The following SRP19 variants were observed in gnomAD, a reference collection of about 807,000 sequenced individuals.
The protein encoded by SRP19 is signal recognition particle 19 kDa protein.
Under a neutral mutation model 22.4 loss-of-function variants are expected in SRP19, and 11 were observed. The observed-to-expected ratio is 0.49, with a 90% confidence interval of 0.31 to 0.81. The LOEUF (loss-of-function observed/expected upper bound fraction) is 0.81, where lower values mean the gene tolerates loss of function less well. Ranked by LOEUF, SRP19 falls within the 40% of genes least tolerant of loss-of-function variation. The pLI is 0.05. For synonymous variants in SRP19, 61 were observed against 57.6 expected (o/e 1.06, Z -0.27); for missense variants, 168 against 175.9 (o/e 0.96, Z 0.25).
intron 4 of SRP19, among the ~76,000 whole-genome samples, chr5:112,880,607 T>C (rs1333768937): frequency 2.0e-5 from 3 of 152,226 alleles, no homozygotes; most frequent in Admixed American, 2.0e-4. Flanking sequence ...TCCAAAAGCT[T>C]TGAGAAAAGT....
At chr5:112,864,270 ACAGTTACG>A (rs1025210242) in intron 2 of SRP19, among the ~76,000 whole-genome samples, 179 bp from the exon 3 acceptor site, 38 of 152,346 alleles carry the variant, frequency 2.5e-4, no homozygotes, top group Admixed American at 5.9e-4. Context: ...AGATGGGCAC[ACAGTTACG>A]CATTAGTGTT....
At position 112,868,382 on chromosome 5, in the gene SRP19, T is replaced by G; in HGVS notation, c.*845T>G. ...AAGCTATCTCATATTTTCAGTAAAT[T>G]CCATTTTTTTTAAGTTTGTTTGTTT... On this transcript the variant is annotated 3_prime_UTR_variant, in exon 5 of 5. Coordinates refer to ENST00000505459, the MANE Select transcript of SRP19 (RefSeq NM_003135.3). The G allele has an allele frequency of 1.0e-6, 1 of 1,001,750 alleles. No homozygotes were observed. Among genetic ancestry groups the G allele is most frequent in the Non-Finnish European group, 1.2e-6 (1 of 842,844 alleles). 62.1% of individuals were successfully genotyped at this position (1,001,750 alleles called of 1,614,324 possible).
At chr5:112,876,039 A>AT (rs1370291296) in intron 4 of SRP19, among the ~76,000 whole-genome samples, 1 of 151,990 alleles carries the variant, frequency 6.6e-6, no homozygotes, top group Non-Finnish European at 1.5e-5. Context: ...ATCTCAAAAA[A>AT]AAAAAAAGTT....
Position 112,887,339 on chromosome 5 carries a change from C to G in SRP19, c.302-4264C>G, listed in dbSNP as rs565007577. ...TTTCTGCAGGTTAAAGGTGGGCTTTCTTTAGATGGAAAAAACATGATGAGT... is the reference window on the plus strand; with the variant it reads ...TTTCTGCAGGTTAAAGGTGGGCTTTGTTTAGATGGAAAAAACATGATGAGT... On this transcript the variant is annotated intron_variant, in intron 4 of 4. Coordinates refer to the SRP19 transcript ENST00000391338. Among the ~76,000 whole-genome samples, 3 of 152,186 alleles carry G rather than the reference C, an allele frequency of 2.0e-5. No homozygotes were observed. In the South Asian group the frequency reaches 6.2e-4, roughly 32 times the overall value.
At chr5:112,864,239 G>A (rs566367518) in intron 2 of SRP19, among the ~76,000 whole-genome samples, 4 of 152,262 alleles carry the variant, frequency 2.6e-5, no homozygotes, top group East Asian at 3.9e-4. Flanking sequence ...GCCCTCAGAA[G>A]TTTATGTTCT....
chr5:112,868,314 C>T lies in SRP19; in HGVS notation c.*777C>T, dbSNP rs546063484. 1.2e-4 allele frequency: 123 copies of T among 985,798 alleles called. 3 individuals carry two copies. In the South Asian group the frequency reaches 2.8e-3, roughly 22 times the overall value. 61.1% of individuals were successfully genotyped at this position (985,798 alleles called of 1,614,324 possible). On this transcript the variant is annotated 3_prime_UTR_variant, in exon 5 of 5. Transcript: ENST00000505459. ...TAGTGATTTTGAGCTATCCCAATTCCTGTTCTTCCTGAGGCCTGGTTTAGC... is the reference window on the plus strand; with the variant it reads ...TAGTGATTTTGAGCTATCCCAATTCTTGTTCTTCCTGAGGCCTGGTTTAGC...
At chr5:112,881,128 C>CCAA (rs1768063010) in intron 4 of SRP19, among the ~76,000 whole-genome samples, 1 of 67,204 alleles carries the variant, frequency 1.5e-5, no homozygotes, top group Non-Finnish European at 2.6e-5. Flanking sequence ...GACTCTGTTT[C>CCAA]AAAAAAAAAA....
downstream of SRP19, among the ~76,000 whole-genome samples, chr5:112,870,911 G>A (rs545736636): frequency 9.9e-5 from 15 of 152,238 alleles, no homozygotes; most frequent in South Asian, 1.0e-3. Flanking sequence ...GGTGTGCAGC[G>A]GTGCGATCTC....
At chr5:112,871,199 A>G (rs928591279), downstream of SRP19, among the ~76,000 whole-genome samples, 5 of 146,798 alleles carry the variant, frequency 3.4e-5, no homozygotes, top group African/African-American at 1.0e-4. Context: ...CTGTAACAAT[A>G]TATTGCTGTT....
chr5:112,887,235 T>G lies in SRP19; in HGVS notation c.302-4368T>G, dbSNP rs780674225. ...TAACAGGAGGGTGGAGGGGGCACATTCTGAGAATACACACTGTCTTTCACT... is the reference window on the plus strand; with the variant it reads ...TAACAGGAGGGTGGAGGGGGCACATGCTGAGAATACACACTGTCTTTCACT... On this transcript the variant is annotated intron_variant, in intron 4 of 4. Transcript: ENST00000391338. 9 of 1,467,380 alleles carry G rather than the reference T, an allele frequency of 6.1e-6. No homozygotes were observed. In the South Asian group the frequency reaches 1.3e-4, roughly 21 times the overall value. 90.9% of individuals were successfully genotyped at this position (1,467,380 alleles called of 1,614,324 possible).
chr5:112,891,777 A>G (rs747190782), exon 5 of SRP19: 61 of 1,612,026 alleles, frequency 3.8e-5, no homozygotes, highest in Non-Finnish European at 5.1e-5. Context: ...TGAGAGACTC[A>G]GGACTCTCAC....
At chr5:112,893,552 A>G (rs1768572960), downstream of SRP19, 2 of 154,158 alleles carry the variant, frequency 1.3e-5, no homozygotes, top group Non-Finnish European at 1.4e-5. Flanking sequence ...CCTTACATTT[A>G]AAGACTCCAA....
At chr5:112,867,037 C>A (rs192653556) in intron 4 of SRP19, among the ~76,000 whole-genome samples, 1 of 152,166 alleles carries the variant, frequency 6.6e-6, no homozygotes, top group Non-Finnish European at 1.5e-5. Context: ...ACTGAGAAAA[C>A]CCTGTATTTC....
intron 4 of SRP19, among the ~76,000 whole-genome samples, chr5:112,884,078 T>TA (rs1258497721): frequency 6.6e-6 from 1 of 152,214 alleles, no homozygotes; most frequent in Non-Finnish European, 1.5e-5. Context: ...CTTCCTGCCT[T>TA]ACCCCTTCAG....
intron 4 of SRP19, among the ~76,000 whole-genome samples, chr5:112,879,634 C>T (rs549404868): frequency 4.5e-4 from 69 of 152,144 alleles, no homozygotes; most frequent in African/African-American, 1.6e-3. Flanking sequence ...CCACCACGCC[C>T]AGCTAATTTT....
chr5:112,884,356 T>G (rs1271708776), intron 4 of SRP19, among the ~76,000 whole-genome samples: 1 of 152,078 alleles, frequency 6.6e-6, no homozygotes, highest in African/African-American at 2.4e-5. Flanking sequence ...TAAAGTATGA[T>G]TCCCCATGGT....
downstream of SRP19, chr5:112,897,355 A>T (rs1475942842): frequency 2.5e-5 from 1 of 40,804 alleles, no homozygotes; most frequent in Non-Finnish European, 4.9e-5. Context: ...ATCCCATCAC[A>T]CACACACACA....
intron 4 of SRP19, chr5:112,877,437 A>G (rs1767931727): frequency 6.6e-6 from 1 of 152,160 alleles, no homozygotes; most frequent in South Asian, 2.1e-4. Flanking sequence ...GTCCAGACAA[A>G]TTGCTCTCTA....
chr5:112,877,497 G>A (rs1038313788), intron 4 of SRP19: 5 of 152,086 alleles, frequency 3.3e-5, no homozygotes, highest in Non-Finnish European at 5.9e-5. Context: ...TTACTGTTCT[G>A]TACTTACTAT....
Sources: allele counts gnomAD v4.1 joint callset (sites outside exome capture counted in the v4.1 genomes callset), GRCh38; gene constraint gnomAD v4.1.1; transcripts MANE v1.5; gene names NCBI Gene and HGNC (gene_info 2026-07-23, HGNC 2026-07-21).